The following ICE1 variants were observed in gnomAD, a reference collection of about 807,000 sequenced individuals.
The protein encoded by ICE1 is interactor of little elongation complex ELL subunit 1, also known as little elongation complex subunit 1.
Under a neutral mutation model 192.7 loss-of-function variants are expected in ICE1, and 64 were observed. The ratio of observed to expected loss-of-function variants is 0.33; its 90% confidence interval spans 0.27 to 0.41. ICE1 has a LOEUF of 0.41. Among genes scored for constraint, ICE1 ranks in the 10% least tolerant of loss-of-function variants. The pLI is 1.00. For synonymous variants in ICE1, 1,010 were observed against 984.5 expected, an observed-to-expected ratio of 1.03 and a Z score of -0.49; for missense variants, 2,708 against 2,696.0, an observed-to-expected ratio of 1.00 and a Z score of -0.10.
At chr5:5,436,942 T>C (rs1214212028) in intron 2 of ICE1, 138 bp from the exon 3 acceptor site, 6 of 634,636 alleles carry the variant, frequency 9.5e-6, no homozygotes, top group South Asian at 1.8e-5. Flanking sequence ...TAAGGTGATA[T>C]AGTCATTAAT....
In ICE1 at chr5:5,462,317, A is replaced by C; in HGVS notation, c.2983A>C (p.Ser995Arg). 1 of 1,614,020 alleles carries C rather than the reference A, an allele frequency of 6.2e-7. No individual in the cohort carries two copies. Among genetic ancestry groups the C allele is most frequent in the South Asian group, 1.1e-5 (1 of 91,086 alleles). Residue 995 changes from serine (S) to arginine (R), a missense_variant, in exon 13 of 19, where the codon AGT (serine) becomes CGT (arginine). Physicochemically the swap from Ser to Arg is moderately radical, Grantham distance 110. Transcript: ENST00000296564. ...GCCTCAGGCCACAGATCTGGACTCC[A>C]GTGGGACACATGGCAGTGAGATGCT... ...RQPQATDLDS[S>R]GTHGSEMLPA...
Position 5,461,618 on chromosome 5 carries a change from A to T in ICE1, c.2284A>T (p.Thr762Ser), listed in dbSNP as rs755509966. The change falls in exon 13 of 19, where the codon ACA (threonine) becomes TCA (serine). Residue 762 changes from threonine to serine, a missense_variant. This residue lies in a region of ICE1 where 2,366 missense variants were observed against 2,276.6 expected (regional missense o/e 1.04). Coordinates refer to ENST00000296564, the MANE Select transcript of ICE1 (RefSeq NM_015325.3). ...AAGTCAAGATCCAAGAATTGAGCTC[A>T]CACTAAATAAGCCAGATTTCACATC... ...CESQDPRIEL[T>S]LNKPDFTSLI... 2 of 1,612,990 alleles carry T rather than the reference A, an allele frequency of 1.2e-6. No homozygotes were observed. Among genetic ancestry groups the T allele is most frequent in the Non-Finnish European group, 1.7e-6 (2 of 1,179,240 alleles).
In ICE1 at chr5:5,462,443, G is replaced by A. The variant is rs1184420438; in HGVS notation, c.3109G>A (p.Asp1037Asn). The A allele has an allele frequency of 2.5e-6, 4 of 1,613,998 alleles. No homozygotes were observed. The highest frequency in any genetic ancestry group is 3.4e-6 in the Non-Finnish European group (4 of 1,179,896). ...TGGTGAGGCCCTGGCTGTTGCAAAT[G>A]ATTCTACCAGCACACCACAAAATGC... ...SGGEALAVAN[D>N]STSTPQNANG... Residue 1037 changes from aspartate (D) to asparagine (N), a missense_variant, in exon 13 of 19, where the codon GAT becomes AAT. Around this residue, in one of 2 missense-constraint regions of ICE1, gnomAD observed 2,366 missense variants for 2,276.6 expected, o/e 1.04. Coordinates refer to ENST00000296564, the MANE Select transcript of ICE1 (RefSeq NM_015325.3).
Position 5,489,227 on chromosome 5 carries a change from A to G in ICE1, c.6698A>G (p.Lys2233Arg). 1 of 1,613,926 alleles carries G rather than the reference A, an allele frequency of 6.2e-7. No homozygotes were observed. Among genetic ancestry groups the G allele is most frequent in the East Asian group, 2.2e-5 (1 of 44,874 alleles). The change falls in exon 19 of 19, where the codon AAG becomes AGG. Residue 2233 changes from lysine (K) to arginine (R), a missense_variant. Physicochemically the swap from Lys to Arg is conservative, Grantham distance 26 (BLOSUM62 2). This residue lies in a region of ICE1 where 342 missense variants were observed against 419.3 expected (regional missense o/e 0.82). Transcript: ENST00000296564. ...CCCAGCAATCCAGCAGAAATTTCCA[A>G]GATCCTGGAAGCTTGGCGGAGAGAG... ...LSPSNPAEIS[K>R]ILEAWRREAS...
rs928069872 is a variant in ICE1 at position 5,447,745 on chromosome 5, CAG to C, written c.534_535del (p.Asn180Ter). ...GGAAAGGCTTGACGAATTTTCTAAA[CAG>C]AAAAATGAAAAGGGTGAGTATTCAG... is the stretch of plus-strand genomic sequence containing the variant. ...TQERLDEFSKQKNEKELRHIG... is the reference protein window; with the variant it reads ...TQERLDEFSKXKNEKELRHIG... On this transcript the variant is annotated frameshift_variant, in exon 9 of 19. Coordinates refer to ENST00000296564, the MANE Select transcript of ICE1 (RefSeq NM_015325.3). LOFTEE classifies it high-confidence loss of function. The C allele has an allele frequency of 6.3e-7, 1 of 1,584,898 alleles. No individual in the cohort carries two copies. Among genetic ancestry groups the C allele is most frequent in the Non-Finnish European group, 8.6e-7 (1 of 1,163,530 alleles).
At chr5:5,441,551 A>G (rs751063303) in intron 5 of ICE1, among the ~76,000 whole-genome samples, 5 of 152,218 alleles carry the variant, frequency 3.3e-5, no homozygotes, top group Non-Finnish European at 7.3e-5. Context: ...ATGTAAAATA[A>G]CATGCAAAAA....
In ICE1 at chr5:5,422,927, C is replaced by A. The variant is rs1482510278; in HGVS notation, c.12C>A (p.Gly4=). Residue 4 remains glycine (G), a synonymous_variant, in exon 1 of 19, where the codon GGC becomes GGA. Coordinates refer to ENST00000296564, the MANE Select transcript of ICE1 (RefSeq NM_015325.3). ...CCGGCGGCGGCACCATGATGCCGGG[C>A]GAGACCCATTCGGCGGCGCCCGGGA... The part of the protein sequence containing the change: MMP[G]ETHSAAPGTA... The A allele has an allele frequency of 1.4e-6, 2 of 1,442,618 alleles. No homozygotes were observed. Among genetic ancestry groups the A allele is most frequent in the East Asian group, 3.1e-5 (1 of 32,724 alleles). 89.4% of individuals were successfully genotyped at this position (1,442,618 alleles called of 1,614,324 possible). A position where few individuals can be genotyped will look rare whatever the true frequency, so the allele number is the denominator to read the frequency against.
intron 1 of ICE1, among the ~76,000 whole-genome samples, chr5:5,430,440 TC>T (rs1737670624): frequency 6.6e-6 from 1 of 152,178 alleles, no homozygotes; most frequent in Non-Finnish European, 1.5e-5. Flanking sequence ...AACTGAGAAA[TC>T]TTTTGTTTTC....
At position 5,435,221 on chromosome 5, in the gene ICE1, A is replaced by G. The variant is rs570725234; in HGVS notation, c.85-1197A>G. ...TTGAAAGTTAAAAACACGCTGAGTG[A>G]TTTTTGACAGATGGTGAGATTACAA... On this transcript the variant is annotated intron_variant, in intron 1 of 18. Coordinates refer to ENST00000296564, the MANE Select transcript of ICE1 (RefSeq NM_015325.3). Among the ~76,000 whole-genome samples the G allele has an allele frequency of 1.8e-4, 27 of 152,344 alleles. 1 individual carries two copies. Among genetic ancestry groups the G allele is most frequent in the African/African-American group, 6.5e-4 (27 of 41,578 alleles).
chr5:5,438,229 G>T (rs1737934039), intron 3 of ICE1, among the ~76,000 whole-genome samples: 1 of 152,168 alleles, frequency 6.6e-6, no homozygotes, highest in South Asian at 2.1e-4. Flanking sequence ...TCATTATCAG[G>T]AGAACAGCAC....
intron 1 of ICE1, among the ~76,000 whole-genome samples, chr5:5,427,103 A>G (rs1428999639): frequency 6.6e-6 from 1 of 151,794 alleles, no homozygotes; most frequent in Non-Finnish European, 1.5e-5. Context: ...TTTTTTCTTT[A>G]GTTGTTGAAG....
chr5:5,434,215 A>G (rs917308029), intron 1 of ICE1, among the ~76,000 whole-genome samples: 4 of 152,218 alleles, frequency 2.6e-5, no homozygotes, highest in African/African-American at 9.7e-5. Context: ...ATATCAACCA[A>G]TAACCTGGAA....
intron 1 of ICE1, among the ~76,000 whole-genome samples, chr5:5,433,747 T>G (rs1252101838): frequency 6.6e-6 from 1 of 152,112 alleles, no homozygotes; most frequent in Non-Finnish European, 1.5e-5. Flanking sequence ...CTTAAGCATG[T>G]CTTTTGTGGG....
At chr5:5,459,660 A>G (rs1363737449) in intron 12 of ICE1, among the ~76,000 whole-genome samples, 1 of 152,218 alleles carries the variant, frequency 6.6e-6, no homozygotes, top group Non-Finnish European at 1.5e-5. Context: ...AGTTCAAAAG[A>G]GGAAAGAATT....
intron 1 of ICE1, among the ~76,000 whole-genome samples, chr5:5,426,923 A>G (rs1244982127): frequency 6.6e-6 from 1 of 152,226 alleles, no homozygotes; most frequent in Admixed American, 6.5e-5. Flanking sequence ...TTGATCATGC[A>G]GAGAATTTAC....
At chr5:5,444,574 C>G (rs906124136) in intron 7 of ICE1, among the ~76,000 whole-genome samples, 2 of 152,114 alleles carry the variant, frequency 1.3e-5, no homozygotes, top group African/African-American at 4.8e-5. Context: ...GTAATCGCAG[C>G]CCATACTTTT....
At chr5:5,479,581 C>T (rs1414359969) in intron 17 of ICE1, among the ~76,000 whole-genome samples, 1 of 152,194 alleles carries the variant, frequency 6.6e-6, no homozygotes, top group Admixed American at 6.5e-5. Context: ...ACCCAGCAAT[C>T]TCACACTAGT....
At chr5:5,448,722 T>C (rs1738322743) in intron 10 of ICE1, among the ~76,000 whole-genome samples, 1 of 152,224 alleles carries the variant, frequency 6.6e-6, no homozygotes, top group South Asian at 2.1e-4. Context: ...ATGGTGTCTC[T>C]TTTAGAAGTC....
At chr5:5,426,785 C>T (rs1203225212) in intron 1 of ICE1, among the ~76,000 whole-genome samples, 2 of 152,186 alleles carry the variant, frequency 1.3e-5, no homozygotes, top group Admixed American at 1.3e-4. Context: ...AGTAGATAAC[C>T]GCTTTTTGGA....
Sources: allele counts gnomAD v4.1 joint callset (sites outside exome capture counted in the v4.1 genomes callset), GRCh38; gene constraint gnomAD v4.1.1; regional missense constraint gnomAD v4.1.1; transcripts MANE v1.5; gene names NCBI Gene and HGNC (gene_info 2026-07-23, HGNC 2026-07-21).